Variants in PCDH11X observed in about 807,000 individuals in gnomAD.
PCDH11X encodes the protein protocadherin-11 X-linked.
In PCDH11X, 18 loss-of-function variants were observed where a neutral mutation model predicts 53.3. The observed-to-expected ratio is 0.34, with a 90% CI of 0.23 to 0.50. PCDH11X has a LOEUF of 0.50. PCDH11X is among the 20% of genes least tolerant of loss of function. PCDH11X has a pLI of 0.98. For synonymous variants in PCDH11X, 279 were observed against 393.3 expected, an observed-to-expected ratio of 0.71 and a Z score of 3.44; for missense variants, 570 against 1,032.4, an observed-to-expected ratio of 0.55 and a Z score of 6.14.
chrX:92,053,250 G>A (rs533586888), intron 6 of PCDH11X, among the ~76,000 whole-genome samples: 4 of 110,259 alleles, frequency 3.6e-5, no homozygotes, highest in South Asian at 3.9e-4. Context: ...CATGCTTTAC[G>A]TGTATCCTGA....
intron 6 of PCDH11X, among the ~76,000 whole-genome samples, chrX:92,095,414 GAT>G (rs1359880134): frequency 1.8e-5 from 2 of 110,958 alleles, no homozygotes; most frequent in African/African-American, 6.5e-5. Flanking sequence ...CCCTGAATAA[GAT>G]ATATCTTTTA....
intron 6 of PCDH11X, among the ~76,000 whole-genome samples, chrX:92,058,563 T>C (rs2063484512): frequency 8.9e-6 from 1 of 111,877 alleles, no homozygotes; most frequent in Admixed American, 9.6e-5. Context: ...GTATGTGTAA[T>C]TCATTTCTAT....
At chrX:92,019,938 G>C (rs1163073742) in intron 6 of PCDH11X, among the ~76,000 whole-genome samples, 1 of 111,715 alleles carries the variant, frequency 9.0e-6, no homozygotes, top group Non-Finnish European at 1.9e-5. Context: ...GAACAGTGTG[G>C]TTTGACGGCC....
At chrX:91,930,810 A>C (rs773820186) in intron 6 of PCDH11X, among the ~76,000 whole-genome samples, 1 of 104,660 alleles carries the variant, frequency 9.6e-6, no homozygotes, top group East Asian at 3.1e-4. Flanking sequence ...ACCAGACAAC[A>C]TGGTAAATAA....
At chrX:92,202,884 A>T (rs1191243628) in intron 7 of PCDH11X, among the ~76,000 whole-genome samples, 1 of 110,911 alleles carries the variant, frequency 9.0e-6, no homozygotes, top group Non-Finnish European at 1.9e-5. Context: ...TTAGCCGGGC[A>T]TGGTGGCAGG....
chrX:92,213,597 C>T (rs1029810844), intron 7 of PCDH11X, among the ~76,000 whole-genome samples: 4 of 111,559 alleles, frequency 3.6e-5, no homozygotes, highest in African/African-American at 1.3e-4. Flanking sequence ...GACCTGACAT[C>T]CCACGATTCT....
chrX:91,783,435 A>C (rs1321497402), intron 1 of PCDH11X, among the ~76,000 whole-genome samples: 1 of 111,519 alleles, frequency 9.0e-6, no homozygotes, highest in Non-Finnish European at 1.9e-5. Flanking sequence ...GGCAGAAGGG[A>C]TTGCAGGTTT....
chrX:92,528,528 G>A (rs142878422), intron 10 of PCDH11X, among the ~76,000 whole-genome samples: 25 of 111,218 alleles, frequency 2.2e-4, no homozygotes, highest in African/African-American at 7.5e-4. Flanking sequence ...CCCGACCTCA[G>A]GTGATCCACC....
At chrX:92,476,400 T>C (rs940871606) in intron 10 of PCDH11X, among the ~76,000 whole-genome samples, 2 of 108,026 alleles carry the variant, frequency 1.9e-5, no homozygotes, top group African/African-American at 6.8e-5. Context: ...TTCATTCTAA[T>C]TATTTCAATC....
chrX:92,132,396 T>C (rs2064995865), intron 6 of PCDH11X, among the ~76,000 whole-genome samples: 1 of 87,920 alleles, frequency 1.1e-5, no homozygotes, highest in Non-Finnish European at 2.1e-5. Flanking sequence ...GATCAAGAGG[T>C]CAAGAGATCA....
intron 8 of PCDH11X, among the ~76,000 whole-genome samples, chrX:92,345,882 A>G (rs2069881875): frequency 9.8e-6 from 1 of 102,217 alleles, no homozygotes; most frequent in African/African-American, 3.6e-5. Context: ...TATCAAAGTT[A>G]GTACCTGTTT....
At chrX:91,839,781 A>G (rs1031818375) in intron 5 of PCDH11X, among the ~76,000 whole-genome samples, 21 of 111,269 alleles carry the variant, frequency 1.9e-4, no homozygotes, top group Non-Finnish European at 3.8e-4. Context: ...AAGAAAAAAA[A>G]TCATCTATAA....
At chrX:92,486,170 A>G (rs752095896) in intron 10 of PCDH11X, among the ~76,000 whole-genome samples, 4 of 110,955 alleles carry the variant, frequency 3.6e-5, no homozygotes, top group Admixed American at 2.9e-4. Context: ...CACTGATTGA[A>G]TGGTACAAAA....
rs1311223673 is a variant in PCDH11X, at chrX:91,966,117, C to CCAGA, written c.3033+86844_3033+86845insCAGA. Among the ~76,000 whole-genome samples the CCAGA allele has an allele frequency of 3.7e-5, 4 of 109,347 alleles. No individual in the cohort carries two copies. In the East Asian group the frequency reaches 1.1e-3, roughly 31 times the overall value. The allele number at this position is 109,347 out of a possible 115,157, so 95.0% of individuals were successfully genotyped here. The stretch of plus-strand genomic sequence containing the variant: ...AATGAGGGATCTGGCATCTCATTAT[C>CCAGA]TGGATGCCCTGATCTGGTGAGTTTC... On this transcript the variant is annotated intron_variant, in intron 6 of 10. Coordinates refer to ENST00000682573, the MANE Select transcript of PCDH11X (RefSeq NM_032968.5).
intron 6 of PCDH11X, among the ~76,000 whole-genome samples, chrX:92,033,705 C>G (rs1355345972): frequency 9.1e-6 from 1 of 109,754 alleles, no homozygotes. Context: ...CTTTTCATTT[C>G]TTTGATCTTG....
intron 6 of PCDH11X, among the ~76,000 whole-genome samples, chrX:91,934,112 T>G: frequency 9.0e-6 from 1 of 111,576 alleles, no homozygotes; most frequent in East Asian, 2.9e-4. Context: ...CATAGCTAAA[T>G]ATTTCACCTC....
chrX:92,579,998 G>A (rs5985004), intron 10 of PCDH11X, among the ~76,000 whole-genome samples: 35,633 of 105,748 alleles, frequency 0.34, 5,771 homozygotes, highest in African/African-American at 0.52. Context: ...CTCTTCTGTA[G>A]GGCTGTTGCG....
At chrX:92,318,075 T>C (rs924502002) in intron 8 of PCDH11X, among the ~76,000 whole-genome samples, 1 of 111,411 alleles carries the variant, frequency 9.0e-6, no homozygotes, top group African/African-American at 3.3e-5. Flanking sequence ...TATAATATTC[T>C]AATGCCATAT....
chrX:92,428,204 G>A (rs2072169318), intron 9 of PCDH11X, among the ~76,000 whole-genome samples: 2 of 110,402 alleles, frequency 1.8e-5, no homozygotes, highest in South Asian at 3.9e-4. Context: ...TTGATAGCAC[G>A]TATTAGCATA....
Sources: gnomAD v4.1 joint callset for allele counts (sites outside exome capture counted in the v4.1 genomes callset) on GRCh38, gnomAD v4.1.1 for gene constraint, MANE v1.5 for transcripts, NCBI Gene and HGNC (gene_info 2026-07-23, HGNC 2026-07-21) for gene names.